The following PCDH9 variants were observed in gnomAD, a reference collection of about 807,000 sequenced individuals.
The protein encoded by PCDH9 is protocadherin-9.
A neutral mutation model predicts 70.6 loss-of-function variants in PCDH9; 24 were observed. That is an observed-to-expected ratio of 0.34 (90% CI 0.25 to 0.48). The LOEUF is 0.48. Among genes scored for constraint, PCDH9 ranks in the 20% least tolerant of loss-of-function variants. PCDH9 has a pLI of 0.99. For synonymous variants in PCDH9, 562 were observed against 558.5 expected, an observed-to-expected ratio of 1.01 and a Z score of -0.09; for missense variants, 1,281 against 1,503.6, an observed-to-expected ratio of 0.85 and a Z score of 2.45.
intron 2 of PCDH9, among the ~76,000 whole-genome samples, chr13:66,979,927 T>C (rs2083704888): frequency 6.6e-6 from 1 of 151,956 alleles, no homozygotes; most frequent in African/African-American, 2.4e-5. Flanking sequence ...CCTTTTTCTT[T>C]CTTTCCTATC....
At chr13:67,001,101 A>G (rs914997146) in intron 2 of PCDH9, among the ~76,000 whole-genome samples, 15 of 152,242 alleles carry the variant, frequency 9.9e-5, no homozygotes, top group Admixed American at 2.0e-4. Context: ...CACATAGCTA[A>G]TAAGTTCGAT....
chr13:66,780,660 C>T (rs565917352), intron 3 of PCDH9, among the ~76,000 whole-genome samples: 16 of 152,140 alleles, frequency 1.1e-4, no homozygotes, highest in African/African-American at 3.9e-4. Flanking sequence ...TACAATTCCC[C>T]GTGATACTTA....
chr13:66,730,704 A>G (rs1298606924), intron 3 of PCDH9, among the ~76,000 whole-genome samples: 2 of 144,306 alleles, frequency 1.4e-5, no homozygotes, highest in East Asian at 4.0e-4. Flanking sequence ...TTTGAGACAG[A>G]GTCTTGCTTT....
At chr13:66,959,235 T>C (rs2139720663) in intron 2 of PCDH9, among the ~76,000 whole-genome samples, 1 of 152,270 alleles carries the variant, frequency 6.6e-6, no homozygotes, top group South Asian at 2.1e-4. Flanking sequence ...ACTTAGAGCC[T>C]CCAAAAATCT....
chr13:66,919,273 C>T (rs953695755), intron 2 of PCDH9, among the ~76,000 whole-genome samples: 4 of 151,174 alleles, frequency 2.6e-5, no homozygotes, highest in Non-Finnish European at 4.4e-5. Context: ...ATATTTTTTG[C>T]TAAATATTTC....
intron 3 of PCDH9, among the ~76,000 whole-genome samples, chr13:66,654,862 C>A (rs2077906481): frequency 7.6e-6 from 1 of 132,040 alleles, no homozygotes; most frequent in Non-Finnish European, 1.6e-5. Flanking sequence ...GGGTATGCCA[C>A]AATGCTCAGG....
At chr13:67,148,112 T>A (rs2087567586) in intron 2 of PCDH9, among the ~76,000 whole-genome samples, 1 of 152,176 alleles carries the variant, frequency 6.6e-6, no homozygotes, top group Non-Finnish European at 1.5e-5. Flanking sequence ...TCTATCTTTT[T>A]AACATACTTT....
intron 2 of PCDH9, chr13:67,210,510 C>A (rs2089446970): frequency 6.6e-6 from 1 of 151,890 alleles, no homozygotes; most frequent in African/African-American, 2.4e-5. Context: ...CATATATCAA[C>A]TGATAATAGA....
chr13:66,445,678 A>C (rs1958072197), intron 4 of PCDH9, among the ~76,000 whole-genome samples: 1 of 145,314 alleles, frequency 6.9e-6, no homozygotes, highest in Non-Finnish European at 1.5e-5. Context: ...ATGTATACAC[A>C]TATATAATAT....
intron 3 of PCDH9, among the ~76,000 whole-genome samples, chr13:66,820,120 A>G (rs2080683945): frequency 6.6e-6 from 1 of 152,280 alleles, no homozygotes; most frequent in African/African-American, 2.4e-5. Context: ...TCCATATATT[A>G]GGATACAAAT....
Position 67,228,464 on chromosome 13 carries a change from C to T in PCDH9, c.-24G>A, listed in dbSNP as rs1362178970. The T allele has an allele frequency of 6.5e-7, 1 of 1,529,294 alleles. No individual in the cohort carries two copies. Among genetic ancestry groups the T allele is most frequent in the Admixed American group, 2.2e-5 (1 of 45,878 alleles). The allele number at this position is 1,529,294 out of a possible 1,614,324, so 94.7% of individuals were successfully genotyped here. Reference sequence around the variant, plus strand: ...ATGATAATGTATTTATTTTCTTTTCCTGGATTTTAGGGTTTAAAGGTTTCC... The same window carrying T: ...ATGATAATGTATTTATTTTCTTTTCTTGGATTTTAGGGTTTAAAGGTTTCC... On this transcript the variant is annotated 5_prime_UTR_variant, in exon 2 of 5. Transcript: ENST00000377865.
intron 4 of PCDH9, among the ~76,000 whole-genome samples, chr13:66,464,167 T>C (rs1958474665): frequency 1.3e-5 from 2 of 151,544 alleles, no homozygotes. Context: ...CAGAATACGA[T>C]GCAAAGCAGC....
chr13:66,552,307 G>A (rs1961522523), intron 4 of PCDH9, among the ~76,000 whole-genome samples: 1 of 152,090 alleles, frequency 6.6e-6, no homozygotes, highest in South Asian at 2.1e-4. Context: ...GTTCAGTGGA[G>A]AATTTCACAG....
At chr13:66,617,589 G>T (rs937335161) in intron 4 of PCDH9, among the ~76,000 whole-genome samples, 4 of 152,166 alleles carry the variant, frequency 2.6e-5, no homozygotes, top group Admixed American at 2.0e-4. Flanking sequence ...GAACCCAGAA[G>T]CCCAACATGC....
intron 3 of PCDH9, among the ~76,000 whole-genome samples, chr13:66,886,504 A>C (rs2082006683): frequency 6.6e-6 from 1 of 152,152 alleles, no homozygotes; most frequent in African/African-American, 2.4e-5. Flanking sequence ...TGTTAGCCAG[A>C]GGCCACGAAA....
At chr13:66,474,219 G>A (rs1958675116) in intron 4 of PCDH9, among the ~76,000 whole-genome samples, 1 of 152,162 alleles carries the variant, frequency 6.6e-6, no homozygotes, top group Non-Finnish European at 1.5e-5. Context: ...AAACCACAGT[G>A]TGAATTAGAA....
At chr13:66,815,939 C>CA (rs1374968874) in intron 3 of PCDH9, among the ~76,000 whole-genome samples, 1 of 152,182 alleles carries the variant, frequency 6.6e-6, no homozygotes, top group Non-Finnish European at 1.5e-5. Context: ...TAACCAGCTT[C>CA]AAATGCACTA....
chr13:66,941,295 T>C (rs1487447331), intron 2 of PCDH9, among the ~76,000 whole-genome samples: 1 of 151,190 alleles, frequency 6.6e-6, no homozygotes, highest in Non-Finnish European at 1.5e-5. Flanking sequence ...CAACAATAAA[T>C]ATAAAAACAT....
intron 3 of PCDH9, among the ~76,000 whole-genome samples, chr13:66,664,996 C>T (rs541663089): frequency 2.8e-4 from 42 of 152,192 alleles, no homozygotes; most frequent in African/African-American, 9.4e-4. Context: ...CTTTGAAGCC[C>T]CCAATGGAAA....
Sources: allele counts gnomAD v4.1 joint callset (sites outside exome capture counted in the v4.1 genomes callset), GRCh38; gene constraint gnomAD v4.1.1; transcripts MANE v1.5; gene names NCBI Gene and HGNC (gene_info 2026-07-23, HGNC 2026-07-21).